The following KANK1 variants were observed in gnomAD, a reference collection of about 807,000 sequenced individuals.
KANK1 encodes the protein KN motif and ankyrin repeat domain-containing protein 1.
KANK1 carries 109 observed loss-of-function variants against 106.2 expected under a neutral mutation model. The observed-to-expected ratio is 1.03, with a 90% confidence interval of 0.88 to 1.20. The LOEUF (loss-of-function observed/expected upper bound fraction) is 1.20, where lower values mean the gene tolerates loss of function less well. Ranked by LOEUF, KANK1 falls within the 50% of genes most tolerant of loss-of-function variation. KANK1 has a pLI of 0.00. For synonymous variants in KANK1, 873 were observed against 652.2 expected, an observed-to-expected ratio of 1.34 and a Z score of -5.16; for missense variants, 2,399 against 1,710.7, an observed-to-expected ratio of 1.40 and a Z score of -7.10.
upstream of KANK1, among the ~76,000 whole-genome samples, chr9:501,092 A>AAT (rs1462506245): frequency 6.6e-6 from 1 of 152,160 alleles, no homozygotes; most frequent in Non-Finnish European, 1.5e-5. Context: ...AAAAAAAACC[A>AAT]ATCGGGTTCT....
chr9:699,084 T>C (rs1167570049), intron 2 of KANK1, among the ~76,000 whole-genome samples: 1 of 152,166 alleles, frequency 6.6e-6, no homozygotes, highest in African/African-American at 2.4e-5. Context: ...ATTTCTGCCA[T>C]CCCTCCACAC....
At chr9:734,583 T>C in intron 6 of KANK1, 165 bp from the exon 7 acceptor site, 1 of 514,544 alleles carries the variant, frequency 1.9e-6, no homozygotes, top group Non-Finnish European at 3.6e-6. Context: ...GGAGGATTGC[T>C]TGAATCCAGG....
upstream of KANK1, among the ~76,000 whole-genome samples, chr9:503,038 A>C (rs760553056): frequency 2.8e-4 from 37 of 134,216 alleles, no homozygotes; most frequent in Non-Finnish European, 5.0e-4. Context: ...TGGTGAAAAC[A>C]GAATTTCACT....
chr9:561,964 G>C (rs1046860062), intron 1 of KANK1, among the ~76,000 whole-genome samples: 1 of 151,100 alleles, frequency 6.6e-6, no homozygotes, highest in Admixed American at 6.6e-5. Flanking sequence ...GATAGAAATA[G>C]TAAAGGAATC....
Position 745,239 on chromosome 9 carries a change from T to C in KANK1, c.*4T>C, listed in dbSNP as rs758971999. 2 of 1,614,090 alleles carry C rather than the reference T, an allele frequency of 1.2e-6. No individual in the cohort carries two copies. The highest frequency in any genetic ancestry group is 8.5e-7 in the Non-Finnish European group (1 of 1,179,936). ...CCACCGAGGTTCATTTGATTGATTG[T>C]ATGCAAATAGCCCTTTATTTACATG... On this transcript the variant is annotated 3_prime_UTR_variant, in exon 12 of 12. Coordinates refer to ENST00000382297, the MANE Select transcript of KANK1 (RefSeq NM_015158.5).
chr9:737,057 A>G (rs1833988505), intron 7 of KANK1, among the ~76,000 whole-genome samples: 1 of 152,228 alleles, frequency 6.6e-6, no homozygotes, highest in African/African-American at 2.4e-5. Flanking sequence ...AAGTGTTTAA[A>G]GTATTGTGTT....
At chr9:740,693 A>G in intron 8 of KANK1, 99 bp from the exon 9 acceptor site, 1 of 1,298,160 alleles carries the variant, frequency 7.7e-7, no homozygotes, top group Non-Finnish European at 1.1e-6. Context: ...GTACCATTTC[A>G]CTGGGCTCCT....
chr9:702,560 A>C (rs1052126370), intron 2 of KANK1, among the ~76,000 whole-genome samples: 1 of 152,202 alleles, frequency 6.6e-6, no homozygotes, highest in African/African-American at 2.4e-5. Context: ...TTTATTATCA[A>C]TATCAATTAT....
At chr9:477,607 C>G (rs1283692099) in intron 3 of KANK1, 1 of 152,206 alleles carries the variant, frequency 6.6e-6, no homozygotes, top group South Asian at 2.1e-4. Flanking sequence ...TTTTATGTAT[C>G]TTGGCTTCTC....
At chr9:727,420 A>G (rs1196348393) in intron 3 of KANK1, among the ~76,000 whole-genome samples, 2 of 151,316 alleles carry the variant, frequency 1.3e-5, no homozygotes, top group African/African-American at 2.4e-5. Context: ...GGTTCAAGTG[A>G]TTCTCCTACC....
chr9:565,814 C>G (rs1817659399), intron 1 of KANK1, among the ~76,000 whole-genome samples: 1 of 152,192 alleles, frequency 6.6e-6, no homozygotes, highest in East Asian at 1.9e-4. Context: ...AGTTACAAAT[C>G]TTGTGACTTC....
chr9:636,699 C>G (rs1189492845), intron 1 of KANK1, among the ~76,000 whole-genome samples: 2 of 152,132 alleles, frequency 1.3e-5, no homozygotes, highest in South Asian at 2.1e-4. Context: ...AACCCCATAT[C>G]TACTAAAAAT....
intron 1 of KANK1, among the ~76,000 whole-genome samples, chr9:621,577 A>G (rs114060282): frequency 3.3e-4 from 51 of 152,308 alleles, no homozygotes; most frequent in African/African-American, 1.1e-3. Flanking sequence ...AATGTCCGCA[A>G]TTAGAGTTTT....
At chr9:476,417 A>C (rs2058104431) in intron 3 of KANK1, among the ~76,000 whole-genome samples, 1 of 152,118 alleles carries the variant, frequency 6.6e-6, no homozygotes, top group African/African-American at 2.4e-5. Flanking sequence ...GCTACTCGCG[A>C]GGCTGAGGCA....
At chr9:672,659 T>G (rs762493793) in intron 1 of KANK1, among the ~76,000 whole-genome samples, 1 of 152,198 alleles carries the variant, frequency 6.6e-6, no homozygotes, top group African/African-American at 2.4e-5. Flanking sequence ...CTTGTTTGCA[T>G]TGGTGTATTT....
chr9:723,115 C>G (rs73374850), intron 3 of KANK1, among the ~76,000 whole-genome samples: 1,898 of 152,048 alleles, frequency 0.012, 35 homozygotes, highest in African/African-American at 0.043. Context: ...TCCCTACTCA[C>G]AGAGTTGGAG....
chr9:573,875 C>G (rs1333245301), intron 1 of KANK1, among the ~76,000 whole-genome samples: 1 of 152,180 alleles, frequency 6.6e-6, no homozygotes, highest in Non-Finnish European at 1.5e-5. Flanking sequence ...TTCTGTTAGA[C>G]TGGGTGGACT....
intron 1 of KANK1, among the ~76,000 whole-genome samples, chr9:561,922 G>A (rs994969203): frequency 1.3e-5 from 2 of 152,162 alleles, no homozygotes; most frequent in East Asian, 3.8e-4. Flanking sequence ...CTCATGGCAG[G>A]CAACAACGCA....
At chr9:518,032 C>G (rs2059369293) in intron 1 of KANK1, among the ~76,000 whole-genome samples, 1 of 151,604 alleles carries the variant, frequency 6.6e-6, no homozygotes, top group African/African-American at 2.4e-5. Context: ...GCCACCTTGC[C>G]CGGCCAACCT....
Sources: gnomAD v4.1 joint callset for allele counts (sites outside exome capture counted in the v4.1 genomes callset) on GRCh38, gnomAD v4.1.1 for gene constraint, MANE v1.5 for transcripts, NCBI Gene and HGNC (gene_info 2026-07-23, HGNC 2026-07-21) for gene names.